Variants in EYS observed in about 807,000 individuals in gnomAD.
EYS encodes the protein EGF-like photoreceptor maintenance factor, also known as protein eyes shut homolog.
A neutral mutation model predicts 282.1 loss-of-function variants in EYS; 250 were observed. That is an observed-to-expected ratio of 0.89 (90% CI 0.80 to 0.98). The LOEUF is 0.98. EYS is among the 50% of genes least tolerant of loss of function. The probability of loss-of-function intolerance (pLI) is 0.00; values close to 1 mark genes in which losing one functional copy is unlikely to be tolerated. For synonymous variants in EYS, 1,355 were observed against 1,282.9 expected, an observed-to-expected ratio of 1.06 and a Z score of -1.20; for missense variants, 4,016 against 3,709.0, an observed-to-expected ratio of 1.08 and a Z score of -2.15.
At chr6:64,777,694 C>T (rs374367924) in intron 22 of EYS, among the ~76,000 whole-genome samples, 1 of 152,050 alleles carries the variant, frequency 6.6e-6, no homozygotes. Context: ...AAATAGTCAT[C>T]CTTTGGTTCA....
rs141000051 is a variant in EYS at position 65,199,940 on chromosome 6, T to C, written c.2023+95923A>G. On this transcript the variant is annotated intron_variant, in intron 12 of 42. Transcript: ENST00000503581. ...TCTACAGAGTTTACATTGAGGATAG[T>C]ATAAATCATGGATGAGTATAAACAG... Among the ~76,000 whole-genome samples, 395 of 152,200 alleles carry C rather than the reference T, an allele frequency of 2.6e-3. 2 individuals are homozygous for C. Among genetic ancestry groups the C allele is most frequent in the African/African-American group, 8.8e-3 (367 of 41,558 alleles).
At chr6:65,705,212 C>T (rs1490029177) in intron 1 of EYS, among the ~76,000 whole-genome samples, 1 of 152,154 alleles carries the variant, frequency 6.6e-6, no homozygotes, top group Admixed American at 6.5e-5. Flanking sequence ...CAACTTAGGG[C>T]ACTCACAGGG....
intron 26 of EYS, among the ~76,000 whole-genome samples, chr6:64,565,640 A>G (rs1213012803): frequency 6.6e-6 from 1 of 152,102 alleles, no homozygotes; most frequent in Non-Finnish European, 1.5e-5. Flanking sequence ...TGGTCAAATG[A>G]TATAAAGTTT....
intron 12 of EYS, among the ~76,000 whole-genome samples, chr6:65,191,923 G>A (rs2208581): frequency 6.6e-6 from 1 of 151,324 alleles, no homozygotes; most frequent in South Asian, 2.1e-4. Context: ...GTTAACTTAA[G>A]GGTAATGCAT....
At chr6:65,695,497 C>A (rs1178255397) in intron 1 of EYS, among the ~76,000 whole-genome samples, 2 of 151,808 alleles carry the variant, frequency 1.3e-5, no homozygotes, top group Admixed American at 1.3e-4. Flanking sequence ...GATTTTTCTT[C>A]ATATATCATG....
At chr6:63,880,752 T>G (rs1483822558) in intron 35 of EYS, among the ~76,000 whole-genome samples, 1 of 152,186 alleles carries the variant, frequency 6.6e-6, no homozygotes, top group East Asian at 1.9e-4. Flanking sequence ...AATTTCAGTT[T>G]TAAATACAAG....
chr6:65,692,624 T>C (rs1029852914), intron 1 of EYS, among the ~76,000 whole-genome samples: 1 of 150,070 alleles, frequency 6.7e-6, no homozygotes, highest in Non-Finnish European at 1.5e-5. Context: ...TTCCAATTAA[T>C]CATTTATAAG....
chr6:65,663,753 C>G (rs1312847181), intron 1 of EYS, among the ~76,000 whole-genome samples: 3 of 152,080 alleles, frequency 2.0e-5, no homozygotes, highest in Admixed American at 2.0e-4. Flanking sequence ...ACGATCTCAG[C>G]TCACTGCAAG....
chr6:65,645,743 T>C (rs928861729), intron 1 of EYS, among the ~76,000 whole-genome samples: 5 of 151,966 alleles, frequency 3.3e-5, no homozygotes, highest in African/African-American at 1.2e-4. Flanking sequence ...AAAAAGCTAG[T>C]TATTTGAAAA....
chr6:64,372,209 A>G (rs1174522084), intron 29 of EYS, among the ~76,000 whole-genome samples: 1 of 135,174 alleles, frequency 7.4e-6, no homozygotes, highest in Non-Finnish European at 1.5e-5. Context: ...CCCTCCCTTC[A>G]GGACTTTTTG....
In EYS at chr6:64,591,547, C is replaced by G. The variant is rs1562080243; in HGVS notation, c.4320G>C (p.Arg1440Ser). 1 of 1,551,212 alleles carries G rather than the reference C, an allele frequency of 6.4e-7. No individual in the cohort carries two copies. Among genetic ancestry groups the G allele is most frequent in the East Asian group, 2.4e-5 (1 of 40,882 alleles). The stretch of plus-strand genomic sequence containing the variant: ...GGAATCCACGGGAGAGTAATGACTG[C>G]CTGTTTAGCTCAATATCAGCCCCTG... ...SIPGADIELN[R>S]QSLLSRGFLL... is the part of the protein sequence containing the mutation. Residue 1440 changes from arginine (R) to serine (S), a missense_variant, in exon 26 of 43, where the codon AGG becomes AGC. Arg to Ser is a moderately radical substitution (Grantham distance 110). Transcript: ENST00000503581.
chr6:64,065,434 G>A (rs745805839), intron 33 of EYS, among the ~76,000 whole-genome samples: 45 of 152,134 alleles, frequency 3.0e-4, no homozygotes, highest in Admixed American at 9.8e-4. Context: ...GTTGCTGCAT[G>A]TAAATTTTGT....
In EYS at chr6:65,107,794, C is replaced by G. The variant is rs190190777; in HGVS notation, c.2024-50067G>C. The stretch of plus-strand genomic sequence containing the variant: ...AATTATCCACATGGTTGGTTTAAGT[C>G]TGCCACTTTATTTTTTATATACTAC... On this transcript the variant is annotated intron_variant, in intron 12 of 42. Transcript: ENST00000503581. 1.6e-4 allele frequency among the ~76,000 whole-genome samples: 25 copies of G among 151,850 alleles called. No homozygotes were observed. In the East Asian group the frequency reaches 4.9e-3, roughly 30 times the overall value.
At chr6:64,553,179 A>C (rs1765139288) in intron 26 of EYS, among the ~76,000 whole-genome samples, 1 of 152,136 alleles carries the variant, frequency 6.6e-6, no homozygotes, top group Non-Finnish European at 1.5e-5. Context: ...TTTGCTCAGA[A>C]TAAATCTCCA....
At chr6:64,694,812 C>T (rs559754417) in intron 22 of EYS, among the ~76,000 whole-genome samples, 64 of 152,276 alleles carry the variant, frequency 4.2e-4, no homozygotes, top group Middle Eastern at 3.4e-3. Context: ...GCAGTTTTGA[C>T]TCAGGCAGCA....
chr6:65,085,727 G>T (rs1048083628), intron 12 of EYS, among the ~76,000 whole-genome samples: 2 of 152,050 alleles, frequency 1.3e-5, no homozygotes, highest in Non-Finnish European at 2.9e-5. Flanking sequence ...TTTCCATAGT[G>T]TCTCATCCAT....
At chr6:64,132,999 T>C (rs1582318057) in intron 31 of EYS, among the ~76,000 whole-genome samples, 1 of 152,044 alleles carries the variant, frequency 6.6e-6, no homozygotes, top group East Asian at 1.9e-4. Flanking sequence ...TAGTAGACAT[T>C]ACTCTACACA....
intron 22 of EYS, among the ~76,000 whole-genome samples, chr6:64,802,194 C>T (rs1020522458): frequency 1.3e-5 from 2 of 151,346 alleles, no homozygotes; most frequent in Admixed American, 6.6e-5. Flanking sequence ...CCACCATGCC[C>T]GGCTAATATT....
At chr6:64,517,069 A>C (rs1033442992) in intron 26 of EYS, among the ~76,000 whole-genome samples, 10 of 151,878 alleles carry the variant, frequency 6.6e-5, no homozygotes, top group Non-Finnish European at 1.3e-4. Context: ...AAAAATATTC[A>C]CTTTTTCATT....
Sources: gnomAD v4.1 joint callset for allele counts (sites outside exome capture counted in the v4.1 genomes callset) on GRCh38, gnomAD v4.1.1 for gene constraint, MANE v1.5 for transcripts, NCBI Gene and HGNC (gene_info 2026-07-23, HGNC 2026-07-21) for gene names.